The following CSMD1 variants were observed in gnomAD, a reference collection of about 807,000 sequenced individuals.
CSMD1 encodes the protein CUB and Sushi multiple domains 1.
CSMD1 carries 213 observed loss-of-function variants against 417.5 expected under a neutral mutation model. The ratio of observed to expected loss-of-function variants is 0.51; its 90% CI spans 0.46 to 0.57. The LOEUF (loss-of-function observed/expected upper bound fraction) is 0.57, where lower values mean the gene tolerates loss of function less well. CSMD1 is among the 20% of genes least tolerant of loss of function. The pLI is 0.00. For missense variants in CSMD1, 6,923 were observed against 4,529.7 expected (o/e 1.53, Z -15.17); for synonymous variants, 2,862 against 1,736.8 (o/e 1.65, Z -16.11).
intron 1 of CSMD1, among the ~76,000 whole-genome samples, chr8:4,935,371 C>T (rs1220992973): frequency 6.6e-6 from 1 of 152,194 alleles, no homozygotes; most frequent in Non-Finnish European, 1.5e-5. Context: ...TGTATCCTTA[C>T]CTCCTGCACA....
chr8:3,110,148 G>T lies in CSMD1; in HGVS notation c.6608+10C>A, dbSNP rs375399224. On this transcript the variant is annotated intron_variant, in intron 43 of 69. Coordinates refer to ENST00000635120, the MANE Select transcript of CSMD1 (RefSeq NM_033225.6). ...AATTACAGATATTTTGACTTGAGAG[G>T]TTCTCATACCAAACAGCAATGTAAT... is the stretch of plus-strand genomic sequence containing the variant. 148 of 1,593,184 alleles carry T rather than the reference G, an allele frequency of 9.3e-5. No homozygotes were observed. The African/African-American group carries it at 1.8e-3, about 19-fold the overall frequency.
chr8:4,158,606 G>A (rs1243767476), intron 3 of CSMD1, among the ~76,000 whole-genome samples: 2 of 152,044 alleles, frequency 1.3e-5, no homozygotes, highest in African/African-American at 4.8e-5. Context: ...TTATTTTTCT[G>A]GCCCAGAAAT....
intron 2 of CSMD1, among the ~76,000 whole-genome samples, chr8:4,463,254 C>G (rs902399179): frequency 1.3e-5 from 2 of 152,122 alleles, no homozygotes; most frequent in Non-Finnish European, 2.9e-5. Context: ...TTCATGTCCA[C>G]TAAAATAGGT....
intron 4 of CSMD1, among the ~76,000 whole-genome samples, chr8:4,028,953 T>A (rs1032751305): frequency 1.3e-5 from 2 of 152,168 alleles, no homozygotes; most frequent in Non-Finnish European, 2.9e-5. Context: ...TTGGAAAATG[T>A]AAAAATAGCA....
chr8:4,897,196 G>C (rs933448618), intron 1 of CSMD1, among the ~76,000 whole-genome samples: 4 of 152,004 alleles, frequency 2.6e-5, no homozygotes, highest in Admixed American at 6.6e-5. Context: ...TGTCAGGGGA[G>C]GTAGAATAAA....
intron 2 of CSMD1, among the ~76,000 whole-genome samples, chr8:4,484,358 G>C (rs1365539281): frequency 6.6e-6 from 1 of 152,258 alleles, no homozygotes; most frequent in Admixed American, 6.5e-5. Context: ...AAAGAGAAAG[G>C]TGGGGTTTAC....
At chr8:3,751,920 C>T (rs999477848) in intron 6 of CSMD1, among the ~76,000 whole-genome samples, 2 of 152,170 alleles carry the variant, frequency 1.3e-5, no homozygotes, top group African/African-American at 2.4e-5. Context: ...ACCTAACTGA[C>T]TATAGGATCA....
chr8:4,072,095 A>G (rs1305690402), intron 3 of CSMD1, among the ~76,000 whole-genome samples: 9 of 152,200 alleles, frequency 5.9e-5, no homozygotes, highest in Admixed American at 1.3e-4. Flanking sequence ...CCTGAAAATC[A>G]AAAAATGGAT....
At chr8:4,397,714 A>C (rs1309059880) in intron 3 of CSMD1, among the ~76,000 whole-genome samples, 1 of 152,098 alleles carries the variant, frequency 6.6e-6, no homozygotes, top group African/African-American at 2.4e-5. Flanking sequence ...CAAATTAACT[A>C]GATTTGAATC....
intron 3 of CSMD1, among the ~76,000 whole-genome samples, chr8:4,342,571 G>C (rs1025747663): frequency 1.3e-5 from 2 of 151,926 alleles, no homozygotes; most frequent in Admixed American, 1.3e-4. Context: ...CTCTCAGATG[G>C]ACACTTCCCC....
At chr8:4,845,010 T>C (rs1801051183) in intron 1 of CSMD1, among the ~76,000 whole-genome samples, 1 of 152,160 alleles carries the variant, frequency 6.6e-6, no homozygotes, top group Non-Finnish European at 1.5e-5. Context: ...TTTCACATAA[T>C]ACTTAGCATT....
At chr8:3,688,876 A>T (rs1445122228) in intron 7 of CSMD1, among the ~76,000 whole-genome samples, 1 of 152,200 alleles carries the variant, frequency 6.6e-6, no homozygotes, top group Non-Finnish European at 1.5e-5. Flanking sequence ...GATCAGAAAT[A>T]GACTCACTTA....
chr8:3,038,655 A>G (rs1457788938), intron 50 of CSMD1, among the ~76,000 whole-genome samples: 1 of 152,162 alleles, frequency 6.6e-6, no homozygotes, highest in African/African-American at 2.4e-5. Flanking sequence ...GTATTAGACA[A>G]TTCCTCAAAT....
At chr8:4,002,239 G>T (rs554625710) in intron 4 of CSMD1, among the ~76,000 whole-genome samples, 2 of 152,008 alleles carry the variant, frequency 1.3e-5, no homozygotes, top group African/African-American at 2.4e-5. Flanking sequence ...ATGTGTGTGC[G>T]TGTGTTTGTG....
At chr8:3,713,898 A>C (rs189790068) in intron 6 of CSMD1, among the ~76,000 whole-genome samples, 6 of 152,176 alleles carry the variant, frequency 3.9e-5, no homozygotes, top group Admixed American at 3.9e-4. Context: ...GTTTACTGTA[A>C]TTTTATCAAT....
intron 3 of CSMD1, among the ~76,000 whole-genome samples, chr8:4,193,483 G>C (rs567610635): frequency 6.6e-6 from 1 of 151,926 alleles, no homozygotes; most frequent in East Asian, 1.9e-4. Flanking sequence ...ATGGACATTA[G>C]GGAAGGTGAC....
chr8:3,157,840 A>G (rs2129038452), intron 39 of CSMD1, 57 bp downstream of exon 39: 1 of 1,358,338 alleles, frequency 7.4e-7, no homozygotes, highest in Non-Finnish European at 1.0e-6. Context: ...AGAGTAGAGC[A>G]GGCATGTTCT....
intron 5 of CSMD1, among the ~76,000 whole-genome samples, chr8:3,953,889 C>T (rs1042847565): frequency 1.3e-5 from 2 of 152,180 alleles, no homozygotes; most frequent in Non-Finnish European, 2.9e-5. Context: ...TGTGCAGGCC[C>T]CAGGACTGTG....
intron 3 of CSMD1, among the ~76,000 whole-genome samples, chr8:4,162,869 C>T (rs35568968): frequency 0.39 from 58,959 of 151,918 alleles, 11,659 homozygotes; most frequent in Middle Eastern, 0.5. Flanking sequence ...GAGTAGTTTC[C>T]CCGCCCTAAA....
Sources: allele counts gnomAD v4.1 joint callset (sites outside exome capture counted in the v4.1 genomes callset), GRCh38; gene constraint gnomAD v4.1.1; transcripts MANE v1.5; gene names NCBI Gene and HGNC (gene_info 2026-07-23, HGNC 2026-07-21).